The following PUDP variants were observed in gnomAD, a reference collection of about 807,000 sequenced individuals.
The protein encoded by PUDP is pseudouridine 5'-phosphatase.
PUDP carries 8 observed loss-of-function variants against 9.4 expected under a neutral mutation model. That is an observed-to-expected ratio of 0.85 (90% CI 0.50 to 1.53). The LOEUF (loss-of-function observed/expected upper bound fraction) is 1.53, where lower values mean the gene tolerates loss of function less well. Ranked by LOEUF, PUDP falls within the 40% of genes most tolerant of loss-of-function variation. PUDP has a pLI of 0.00. For synonymous variants in PUDP, 99 were observed against 80.7 expected, an observed-to-expected ratio of 1.23 and a Z score of -1.22; for missense variants, 188 against 189.7, an observed-to-expected ratio of 0.99 and a Z score of 0.05.
intron 3 of PUDP, among the ~76,000 whole-genome samples, chrX:6,841,950 G>T (rs1173266506): frequency 9.0e-6 from 1 of 111,163 alleles, no homozygotes; most frequent in Non-Finnish European, 1.9e-5. Flanking sequence ...ATTATGTGTT[G>T]TGTGTGCTAT....
intron 3 of PUDP, among the ~76,000 whole-genome samples, chrX:6,744,924 A>G (rs774591429): frequency 8.9e-6 from 1 of 112,539 alleles, no homozygotes; most frequent in Admixed American, 9.4e-5. Context: ...CATAATAAAT[A>G]GTAAAAAGAC....
intron 3 of PUDP, among the ~76,000 whole-genome samples, chrX:6,801,729 T>C (rs1925937370): frequency 8.9e-6 from 1 of 111,863 alleles, no homozygotes; most frequent in Non-Finnish European, 1.9e-5. Context: ...TAATTCCCCA[T>C]TGCTGCTTAA....
At chrX:6,879,435 T>TACACACAC (rs753425131) in intron 3 of PUDP, among the ~76,000 whole-genome samples, 3 of 102,059 alleles carry the variant, frequency 2.9e-5, no homozygotes, top group African/African-American at 1.1e-4. Flanking sequence ...ACAGCACAAT[T>TACACACAC]ACACACACAC....
At chrX:6,981,259 T>C (rs1929028735) in intron 1 of PUDP, among the ~76,000 whole-genome samples, 1 of 112,120 alleles carries the variant, frequency 8.9e-6, no homozygotes, top group Non-Finnish European at 1.9e-5. Context: ...TGAGAACTGT[T>C]GAAGCTGAGT....
chrX:6,741,511 A>G (rs1481803726), intron 3 of PUDP, among the ~76,000 whole-genome samples: 1 of 111,802 alleles, frequency 8.9e-6, no homozygotes, highest in Admixed American at 9.5e-5. Context: ...ATACATAGAT[A>G]AGATAGATAT....
intron 3 of PUDP, among the ~76,000 whole-genome samples, chrX:6,903,547 A>C (rs1360984290): frequency 8.9e-6 from 1 of 111,797 alleles, no homozygotes; most frequent in African/African-American, 3.3e-5. Context: ...CATAGTGTCC[A>C]TCAATGGCTG....
chrX:6,811,418 G>A (rs914727740), intron 3 of PUDP, among the ~76,000 whole-genome samples: 1 of 110,602 alleles, frequency 9.0e-6, no homozygotes, highest in African/African-American at 3.3e-5. Context: ...AGGTTCAAGC[G>A]ATTCTCATGC....
At chrX:6,803,189 G>A (rs1026615016) in intron 3 of PUDP, among the ~76,000 whole-genome samples, 4 of 110,794 alleles carry the variant, frequency 3.6e-5, no homozygotes, top group South Asian at 3.8e-4. Flanking sequence ...CAGAGGCCAC[G>A]ACGAGACCCT....
intron 2 of PUDP, among the ~76,000 whole-genome samples, chrX:7,102,453 A>T (rs866548552): frequency 9.0e-6 from 1 of 110,731 alleles, no homozygotes; most frequent in Non-Finnish European, 1.9e-5. Context: ...ATTAAAGGCC[A>T]TATATGAGAA....
chrX:7,126,385 T>C lies in PUDP; in HGVS notation c.62-20547A>G, dbSNP rs1932487479. Among the ~76,000 whole-genome samples the C allele has an allele frequency of 2.7e-5, 3 of 112,061 alleles. No individual in the cohort carries two copies. In the Admixed American group the frequency reaches 2.8e-4, roughly 11 times the overall value. On this transcript the variant is annotated intron_variant, in intron 1 of 3. Coordinates refer to ENST00000381077, the MANE Select transcript of PUDP (RefSeq NM_012080.5). ...GCCCAGAAATTCAGGAAAACATTGG[T>C]CCAGATGGCTTGATCCTTCACACAA...
intron 3 of PUDP, among the ~76,000 whole-genome samples, chrX:6,950,406 CTTTT>C (rs768745445): frequency 1.5e-5 from 1 of 68,645 alleles, no homozygotes. Flanking sequence ...TTAGTCATTT[CTTTT>C]TTTTTTTTTT....
At chrX:6,997,033 C>T (rs868414521) in intron 1 of PUDP, among the ~76,000 whole-genome samples, 1 of 110,447 alleles carries the variant, frequency 9.1e-6, no homozygotes, top group Non-Finnish European at 1.9e-5. Context: ...GAAGTACTAA[C>T]TGAAAAAAAA....
intron 1 of PUDP, among the ~76,000 whole-genome samples, chrX:7,019,632 G>T (rs771840187): frequency 1.6e-4 from 18 of 111,741 alleles, no homozygotes; most frequent in Non-Finnish European, 2.8e-4. Flanking sequence ...ACCTCTGCTA[G>T]CTTGGCCTCT....
chrX:6,714,918 C>T (rs1924580168), intron 1 of PUDP, among the ~76,000 whole-genome samples: 1 of 109,292 alleles, frequency 9.1e-6, no homozygotes, highest in Non-Finnish European at 1.9e-5. Flanking sequence ...AATCTAGACC[C>T]AATAGGATAT....
At chrX:6,728,049 TCA>T (rs1924761697) in intron 3 of PUDP, among the ~76,000 whole-genome samples, 1 of 111,642 alleles carries the variant, frequency 9.0e-6, no homozygotes, top group African/African-American at 3.3e-5. Flanking sequence ...TTTAATGGAC[TCA>T]CAGTTCCACC....
chrX:6,953,105 C>T (rs955154082), intron 3 of PUDP, among the ~76,000 whole-genome samples: 1 of 111,583 alleles, frequency 9.0e-6, no homozygotes, highest in African/African-American at 3.3e-5. Flanking sequence ...CCATGATCAC[C>T]TGGTAAAGAC....
At chrX:6,723,432 C>CAAAAAA (rs549361509), upstream of PUDP, among the ~76,000 whole-genome samples, 2 of 17,329 alleles carry the variant, frequency 1.2e-4, no homozygotes, top group African/African-American at 2.7e-4. Flanking sequence ...GAGGCTCTGT[C>CAAAAAA]AAAAAAAAAA....
At chrX:6,918,684 C>T (rs1277629020) in intron 3 of PUDP, among the ~76,000 whole-genome samples, 1 of 111,882 alleles carries the variant, frequency 8.9e-6, no homozygotes. Flanking sequence ...GGTTCACAGA[C>T]AGCCATCTTT....
intron 3 of PUDP, among the ~76,000 whole-genome samples, chrX:6,869,208 C>T (rs1465226168): frequency 8.9e-6 from 1 of 111,888 alleles, no homozygotes; most frequent in East Asian, 2.8e-4. Context: ...TGCTGCATAC[C>T]AAACCACCCC....
Sources: gnomAD v4.1 joint callset for allele counts (sites outside exome capture counted in the v4.1 genomes callset) on GRCh38, gnomAD v4.1.1 for gene constraint, MANE v1.5 for transcripts, NCBI Gene and HGNC (gene_info 2026-07-23, HGNC 2026-07-21) for gene names.